The following ZNF596 variants were observed in gnomAD, a reference collection of about 807,000 sequenced individuals.
The protein encoded by ZNF596 is zinc finger protein 596.
Under a neutral mutation model 48.3 loss-of-function variants are expected in ZNF596, and 45 were observed. The observed-to-expected ratio is 0.93, with a 90% CI of 0.73 to 1.19. The LOEUF is 1.19. ZNF596 is among the 50% of genes most tolerant of loss of function. The pLI is 0.00. For missense variants in ZNF596, 848 were observed against 599.7 expected (o/e 1.41, Z -4.32); for synonymous variants, 270 against 202.0 (o/e 1.34, Z -2.85).
intron 5 of ZNF596, 33 bp downstream of exon 5, chr8:244,734 A>T (rs1283039301): frequency 1.9e-6 from 3 of 1,566,866 alleles, no homozygotes; most frequent in African/African-American, 1.4e-5. Context: ...CTGTTCTTAC[A>T]TATAGAAACC....
intron 1 of ZNF596, chr8:234,698 C>A (rs2906327): frequency 0.24 from 36,115 of 152,098 alleles, 4,365 homozygotes; most frequent in African/African-American, 0.29. Flanking sequence ...TCCCAACTCA[C>A]CCATAGCCTT....
At chr8:233,779 C>A (rs1796517878) in intron 1 of ZNF596, 1 of 152,158 alleles carries the variant, frequency 6.6e-6, no homozygotes, top group African/African-American at 2.4e-5. Context: ...ATGTGATGTT[C>A]TGGAGAAGAC....
chr8:244,920 A>G (rs75600271), intron 5 of ZNF596, among the ~76,000 whole-genome samples: 1 of 152,246 alleles, frequency 6.6e-6, no homozygotes, highest in Non-Finnish European at 1.5e-5. Flanking sequence ...ACTTTCAAAC[A>G]TGATAAAGTC....
chr8:239,430 C>A (rs1043662182), intron 1 of ZNF596, among the ~76,000 whole-genome samples: 1 of 152,332 alleles, frequency 6.6e-6, no homozygotes, highest in South Asian at 2.1e-4. Flanking sequence ...CTTCTGACCT[C>A]AGGTGATCCT....
rs879741068 is a variant in ZNF596, at chr8:232,462, C to T, written c.-305C>T. The T allele has an allele frequency of 2.8e-4, 80 of 281,054 alleles. No homozygotes were observed. The highest frequency in any genetic ancestry group is 8.0e-4 in the Admixed American group (15 of 18,646). The allele number at this position is 281,054 out of a possible 1,614,324, so 17.4% of individuals were successfully genotyped here. A position where few individuals can be genotyped will look rare whatever the true frequency, so the allele number is the denominator to read the frequency against. On this transcript the variant is annotated 5_prime_UTR_variant, in exon 1 of 6. Coordinates refer to ENST00000398612, the MANE Select transcript of ZNF596 (RefSeq NM_001042416.3). ...TGGCCAAACCCAGCCACGCAGTTCC[C>T]TTCCTGCGGCGTCCTCCACACCCGG...
chr8:246,353 G>A lies in ZNF596; in HGVS notation c.1506G>A (p.Met502Ile), dbSNP rs756614890. ...AGAGAACTCACACTAAAAAAGCAAT[G>A]AATATGTAAGAATCATCAGCTGTAG... The part of the protein sequence containing the change: ...QHERTHTKKA[M>I]NM Residue 502 changes from methionine (M) to isoleucine (I), a missense_variant, in exon 6 of 6, where the codon ATG (methionine) becomes ATA (isoleucine). Physicochemically the swap from Met to Ile is conservative, Grantham distance 10. Transcript: ENST00000398612. 4 of 1,579,272 alleles carry A rather than the reference G, an allele frequency of 2.5e-6. No homozygotes were observed. The Admixed American group carries it at 5.7e-5, about 22-fold the overall frequency.
rs1796453317 is a variant in ZNF596 at position 232,657 on chromosome 8, T to C, written c.-110T>C. The C allele has an allele frequency of 5.4e-6, 2 of 373,716 alleles. No homozygotes were observed. The highest frequency in any genetic ancestry group is 4.3e-5 in the African/African-American group (2 of 46,184). The allele number at this position is 373,716 out of a possible 1,614,324, so 23.1% of individuals were successfully genotyped here. On this transcript the variant is annotated 5_prime_UTR_variant, in exon 1 of 6. Coordinates refer to ENST00000398612, the MANE Select transcript of ZNF596 (RefSeq NM_001042416.3). ...CTGTCCGGCCCTTCCACCCTAGTTC[T>C]CTTCACCGTCCGCCCATCCTATCGC...
In ZNF596 at chr8:246,561, C is replaced by T. The variant is rs981346702; in HGVS notation, c.*199C>T. On this transcript the variant is annotated 3_prime_UTR_variant, in exon 6 of 6. Coordinates refer to ENST00000398612, the MANE Select transcript of ZNF596 (RefSeq NM_001042416.3). ...CAGACTCTAGGCTGACCATATACAA[C>T]GTGAGAGAATGAAACTATAGATCAA... is the stretch of plus-strand genomic sequence containing the variant. 2.2e-5 allele frequency: 12 copies of T among 544,382 alleles called. No homozygotes were observed. In the South Asian group the frequency reaches 2.8e-4, roughly 12 times the overall value. 33.7% of individuals were successfully genotyped at this position (544,382 alleles called of 1,614,324 possible).
intron 4 of ZNF596, chr8:244,313 T>G (rs1308131614): frequency 1.9e-5 from 6 of 318,308 alleles, no homozygotes; most frequent in Non-Finnish European, 3.4e-5. Context: ...TCTGTCATTG[T>G]CTTTGTCTTT....
intron 1 of ZNF596, chr8:233,397 T>C (rs1406542362): frequency 3.3e-6 from 1 of 305,204 alleles, no homozygotes; most frequent in Admixed American, 4.9e-5. Flanking sequence ...TCAATACTTT[T>C]CAGTCTTAAT....
intron 1 of ZNF596, among the ~76,000 whole-genome samples, chr8:238,637 A>C (rs1205498811): frequency 1.5e-5 from 2 of 129,650 alleles, no homozygotes; most frequent in African/African-American, 7.2e-5. Flanking sequence ...ACAAAAAAAA[A>C]AAAAAAAAAA....
At chr8:233,200 G>A (rs1375410898) in intron 1 of ZNF596, 1 of 446,268 alleles carries the variant, frequency 2.2e-6, no homozygotes, top group South Asian at 1.6e-5. Flanking sequence ...AGTAGTAGTG[G>A]GGTAAATGGA....
chr8:246,035 T>G lies in ZNF596; in HGVS notation c.1188T>G (p.Cys396Trp), dbSNP rs1257686222. The G allele has an allele frequency of 6.2e-7, 1 of 1,614,186 alleles. No individual in the cohort carries two copies. The highest frequency in any genetic ancestry group is 1.1e-5 in the South Asian group (1 of 91,080). Residue 396 changes from cysteine (C) to tryptophan (W), a missense_variant, in exon 6 of 6, where the codon TGT becomes TGG. Coordinates refer to ENST00000398612, the MANE Select transcript of ZNF596 (RefSeq NM_001042416.3). Reference protein sequence around the residue: ...TGEKPYECHVCGKAFTESSDL... With the variant: ...TGEKPYECHVWGKAFTESSDL... ...AGAAACCATATGAGTGCCATGTATG[T>G]GGGAAAGCCTTCACTGAATCTTCTG...
In ZNF596 at chr8:245,626, T is replaced by C. The variant is rs756549512; in HGVS notation, c.779T>C (p.Phe260Ser). 6.2e-6 allele frequency: 10 copies of C among 1,613,914 alleles called. No individual in the cohort carries two copies. Among genetic ancestry groups the C allele is most frequent in the Non-Finnish European group, 8.5e-6 (10 of 1,179,982 alleles). Reference sequence around the variant, plus strand: ...GGATGTCATCTATGTGGGAAAGCCTTCAGTAAAAGTTCTAACCTTAGACGA... The same window carrying C: ...GGATGTCATCTATGTGGGAAAGCCTCCAGTAAAAGTTCTAACCTTAGACGA... ...PYGCHLCGKAFSKSSNLRRHE... is the reference protein window; with the variant it reads ...PYGCHLCGKASSKSSNLRRHE... Residue 260 changes from phenylalanine (F) to serine (S), a missense_variant, in exon 6 of 6, where the codon TTC (phenylalanine) becomes TCC (serine). Coordinates refer to ENST00000398612, the MANE Select transcript of ZNF596 (RefSeq NM_001042416.3).
intron 1 of ZNF596, 23 bp downstream of exon 1, chr8:232,717 G>C (rs1313060713): frequency 2.8e-5 from 11 of 396,652 alleles, no homozygotes; most frequent in Admixed American, 2.3e-4. Context: ...CATGTGGCTT[G>C]TCTTCCATCG....
At chr8:243,438 T>C (rs908602030) in intron 3 of ZNF596, 69 of 351,788 alleles carry the variant, frequency 2.0e-4, no homozygotes, top group Middle Eastern at 8.3e-4. Context: ...TCAAATACTA[T>C]GACAATTTGT....
rs896024421 is a variant in ZNF596 at position 240,054 on chromosome 8, G to A, written c.-72-770G>A. 5.9e-5 allele frequency among the ~76,000 whole-genome samples: 9 copies of A among 152,166 alleles called. No homozygotes were observed. In the South Asian group the frequency reaches 1.4e-3, roughly 25 times the overall value. ...ACTCTGTTGCTTAGGAAATTACAAG[G>A]GTTTTGGGTGGCTCTGTGCCAGGAA... On this transcript the variant is annotated intron_variant, in intron 1 of 5. Transcript: ENST00000398612.
intron 2 of ZNF596, 134 bp downstream of exon 2, chr8:241,041 G>A (rs1045383868): frequency 1.3e-5 from 15 of 1,123,898 alleles, no homozygotes; most frequent in African/African-American, 4.6e-5. Flanking sequence ...CCAGGGCTTC[G>A]GAATGTTTAC....
chr8:240,992 C>T, intron 2 of ZNF596, 85 bp downstream of exon 2: 3 of 1,493,174 alleles, frequency 2.0e-6, no homozygotes, highest in Non-Finnish European at 2.8e-6. Flanking sequence ...CATGGATGTT[C>T]TAAGTGCACT....
Sources: gnomAD v4.1 joint callset for allele counts (sites outside exome capture counted in the v4.1 genomes callset) on GRCh38, gnomAD v4.1.1 for gene constraint, MANE v1.5 for transcripts, NCBI Gene and HGNC (gene_info 2026-07-23, HGNC 2026-07-21) for gene names.